Variants in FTCDNL1 observed in about 807,000 individuals in gnomAD.
FTCDNL1 encodes the protein formiminotransferase cyclodeaminase N-terminal like, also known as formiminotransferase N-terminal subdomain-containing protein.
Under a neutral mutation model 5.9 loss-of-function variants are expected in FTCDNL1, and 11 were observed. That is an observed-to-expected ratio of 1.87 (90% confidence interval 1.18 to 3.10). The LOEUF is 3.10. Among genes scored for constraint, FTCDNL1 ranks in the 30% most tolerant of loss-of-function variants. The probability of loss-of-function intolerance (pLI) is 0.00; values close to 1 mark genes in which losing one functional copy is unlikely to be tolerated. For missense variants in FTCDNL1, 115 were observed against 65.5 expected (o/e 1.76, Z -2.61); for synonymous variants, 58 against 24.8 (o/e 2.34, Z -3.99).
chr2:199,760,142 A>G (rs1234377139), downstream of FTCDNL1, among the ~76,000 whole-genome samples: 1 of 152,136 alleles, frequency 6.6e-6, no homozygotes, highest in African/African-American at 2.4e-5. Flanking sequence ...AGAAATCTGA[A>G]TAAACCAGAA....
At chr2:199,689,582 C>T in the FTCDNL1 span, among the ~76,000 whole-genome samples, 1 of 152,148 alleles carries the variant, frequency 6.6e-6, no homozygotes, top group East Asian at 1.9e-4. Context: ...AACCTCACCC[C>T]TGTTCAGTAC....
intron 3 of FTCDNL1, among the ~76,000 whole-genome samples, chr2:199,787,353 C>G (rs372716010): frequency 6.6e-6 from 1 of 151,962 alleles, no homozygotes; most frequent in South Asian, 2.1e-4. Context: ...CAGCTAATTT[C>G]TTGTATTTTT....
the FTCDNL1 span, among the ~76,000 whole-genome samples, chr2:199,663,849 C>T: frequency 3.9e-5 from 6 of 152,072 alleles, no homozygotes; most frequent in South Asian, 4.1e-4. Context: ...TCTTCAAAGA[C>T]GAGATCTCCT....
chr2:199,742,070 A>C, the FTCDNL1 span, among the ~76,000 whole-genome samples: 1 of 150,110 alleles, frequency 6.7e-6, no homozygotes, highest in Non-Finnish European at 1.5e-5. Flanking sequence ...ACTATTTGCT[A>C]TTTCCAGAAT....
At chr2:199,826,022 G>A (rs140280740) in intron 3 of FTCDNL1, among the ~76,000 whole-genome samples, 1 of 152,198 alleles carries the variant, frequency 6.6e-6, no homozygotes, top group Non-Finnish European at 1.5e-5. Context: ...GGCTGCTGCA[G>A]TAGCCTAAAA....
At chr2:199,815,664 A>G (rs886870158) in intron 4 of FTCDNL1, among the ~76,000 whole-genome samples, 1 of 152,230 alleles carries the variant, frequency 6.6e-6, no homozygotes, top group Admixed American at 6.5e-5. Flanking sequence ...CTAAAGAAAG[A>G]GGTGTTATAA....
downstream of FTCDNL1, among the ~76,000 whole-genome samples, chr2:199,806,971 A>G (rs1471589733): frequency 5.9e-5 from 9 of 152,244 alleles, no homozygotes. Context: ...TATGAAGCAC[A>G]TATTCCATAC....
At chr2:199,840,800 T>C (rs1400925172) in intron 3 of FTCDNL1, among the ~76,000 whole-genome samples, 4 of 149,058 alleles carry the variant, frequency 2.7e-5, no homozygotes, top group African/African-American at 9.9e-5. Flanking sequence ...TAAAAACAAA[T>C]AGAAAGAGAG....
At chr2:199,664,545 T>C in the FTCDNL1 span, among the ~76,000 whole-genome samples, 1 of 152,192 alleles carries the variant, frequency 6.6e-6, no homozygotes, top group Non-Finnish European at 1.5e-5. Flanking sequence ...ATAAAATCCA[T>C]TATAATACTA....
chr2:199,786,699 G>T (rs1699667582), intron 3 of FTCDNL1, among the ~76,000 whole-genome samples: 1 of 152,076 alleles, frequency 6.6e-6, no homozygotes, highest in African/African-American at 2.4e-5. Context: ...TGAGATCAGG[G>T]TGAACCTTCA....
At chr2:199,697,468 TCC>T in the FTCDNL1 span, among the ~76,000 whole-genome samples, 1 of 151,902 alleles carries the variant, frequency 6.6e-6, no homozygotes, top group Admixed American at 6.6e-5. Flanking sequence ...AGGTTGGGGG[TCC>T]ACATTCAACA....
In FTCDNL1 at chr2:199,769,480, C is replaced by CT. The variant is rs67102213; in HGVS notation, c.212-8646_212-8645insA. On this transcript the variant is annotated intron_variant, in intron 3 of 3. Transcript: ENST00000416668. ...TCTGCCTTCCACCATGATTTTGAGG[C>CT]CCCCCCAGCCATGTGGAATTGTGAG... Among the ~76,000 whole-genome samples, 17 of 55,836 alleles carry CT rather than the reference C, an allele frequency of 3.0e-4. No individual in the cohort carries two copies. In the East Asian group the frequency reaches 4.5e-3, roughly 15 times the overall value. 36.6% of individuals were successfully genotyped at this position (55,836 alleles called of 152,430 possible). A position where few individuals can be genotyped will look rare whatever the true frequency, so the allele number is the denominator to read the frequency against.
intron 3 of FTCDNL1, among the ~76,000 whole-genome samples, chr2:199,784,560 T>C (rs1486218807): frequency 1.3e-5 from 2 of 151,834 alleles, no homozygotes; most frequent in Admixed American, 6.6e-5. Context: ...CCTGTCGGGG[T>C]GAGGGAAGCA....
the FTCDNL1 span, among the ~76,000 whole-genome samples, chr2:199,742,686 A>G: frequency 2.0e-5 from 3 of 152,300 alleles, no homozygotes; most frequent in East Asian, 5.8e-4. Context: ...TGAGGAAATC[A>G]GGCACATAGA....
chr2:199,770,943 C>G (rs1383425755), intron 3 of FTCDNL1, among the ~76,000 whole-genome samples: 5 of 152,200 alleles, frequency 3.3e-5, no homozygotes, highest in Non-Finnish European at 2.9e-5. Context: ...CTAAGGAATC[C>G]AGCCCTGTTA....
the FTCDNL1 span, among the ~76,000 whole-genome samples, chr2:199,710,243 C>T: frequency 3.2e-3 from 485 of 152,190 alleles, 6 homozygotes; most frequent in African/African-American, 0.01. Flanking sequence ...CTTCAAGTAA[C>T]GCTGAAGTGC....
At chr2:199,720,368 T>C in the FTCDNL1 span, among the ~76,000 whole-genome samples, 1 of 152,204 alleles carries the variant, frequency 6.6e-6, no homozygotes, top group Non-Finnish European at 1.5e-5. Flanking sequence ...TTAACTTGGA[T>C]TTGGCTAGTG....
the FTCDNL1 span, among the ~76,000 whole-genome samples, chr2:199,731,378 A>T: frequency 2.6e-5 from 4 of 152,198 alleles, no homozygotes; most frequent in African/African-American, 4.8e-5. Context: ...TGTTTTTAAA[A>T]TGGCATACTT....
chr2:199,701,357 C>T, the FTCDNL1 span, among the ~76,000 whole-genome samples: 4 of 121,244 alleles, frequency 3.3e-5, no homozygotes, highest in African/African-American at 6.5e-5. Context: ...AAAAAACCAC[C>T]GCATGCTGGC....
Sources: gnomAD v4.1 joint callset for allele counts (sites outside exome capture counted in the v4.1 genomes callset) on GRCh38, gnomAD v4.1.1 for gene constraint, MANE v1.5 for transcripts, NCBI Gene and HGNC (gene_info 2026-07-23, HGNC 2026-07-21) for gene names.